Variants in LRRK1 observed in about 807,000 individuals in gnomAD.
LRRK1 encodes the protein leucine rich repeat kinase 1, also known as leucine-rich repeat serine/threonine-protein kinase 1.
Under a neutral mutation model 209.1 loss-of-function variants are expected in LRRK1, and 113 were observed. The observed-to-expected ratio is 0.54, with a 90% confidence interval of 0.46 to 0.63. The LOEUF (loss-of-function observed/expected upper bound fraction) is 0.63, where lower values mean the gene tolerates loss of function less well. LRRK1 is among the 30% of genes least tolerant of loss of function. LRRK1 has a pLI of 0.00. For missense variants in LRRK1, 2,284 were observed against 2,632.2 expected (o/e 0.87, Z 2.89); for synonymous variants, 1,144 against 1,099.7 (o/e 1.04, Z -0.80).
chr15:101,024,699 A>T lies in LRRK1; in HGVS notation c.2068-104A>T. 1 of 1,262,906 alleles carries T rather than the reference A, an allele frequency of 7.9e-7. No individual in the cohort carries two copies. Among genetic ancestry groups the T allele is most frequent in the Non-Finnish European group, 1.1e-6 (1 of 904,462 alleles). The allele number at this position is 1,262,906 out of a possible 1,614,324, so 78.2% of individuals were successfully genotyped here. On this transcript the variant is annotated intron_variant, in intron 15 of 33. Transcript: ENST00000388948. This position sits in a 1 kb window ranked among gnomAD's most constrained non-coding sequence, Gnocchi z 4.6. ...AGAACTTTTCCACGGTTGTTTTTTC[A>T]GACCCCCGAGTCCAGCCTCCAGAGT...
rs1457821862 is a variant in LRRK1, at chr15:101,046,016, G to A, written c.2999G>A (p.Gly1000Asp). 1 of 1,614,148 alleles carries A rather than the reference G, an allele frequency of 6.2e-7. No individual in the cohort carries two copies. The highest frequency in any genetic ancestry group is 8.5e-7 in the Non-Finnish European group (1 of 1,180,022). Residue 1000 changes from glycine (G) to aspartate (D), a missense_variant, in exon 21 of 34, where the codon GGC becomes GAC. Around this residue, in one of 6 missense-constraint regions of LRRK1, gnomAD observed 780 missense variants for 985.2 expected, o/e 0.79. Transcript: ENST00000388948. Reference sequence around the variant, plus strand: ...CCCCATCTCCTTCCATCTAAACCTGGCCTGGACACCCACGGTATGCGGCAC... The same window carrying A: ...CCCCATCTCCTTCCATCTAAACCTGACCTGGACACCCACGGTATGCGGCAC... ...LLPHLLPSKP[G>D]LDTHGMRHPT...
chr15:100,976,092 A>G (rs2141656239), intron 3 of LRRK1, among the ~76,000 whole-genome samples: 1 of 152,338 alleles, frequency 6.6e-6, no homozygotes, highest in East Asian at 1.9e-4. Context: ...GATGAAATGA[A>G]CAAATAAAAA....
chr15:101,072,377 T>A lies in LRRK1; in HGVS notation c.*3529T>A, dbSNP rs974083885. The A allele has an allele frequency of 6.6e-6, 1 of 152,220 alleles. No homozygotes were observed. The highest frequency in any genetic ancestry group is 2.4e-5 in the African/African-American group (1 of 41,432). The allele number at this position is 152,220 out of a possible 1,614,324, so 9.4% of individuals were successfully genotyped here. A position where few individuals can be genotyped will look rare whatever the true frequency, so the allele number is the denominator to read the frequency against. ...CATAAAATTCCTGCACATGCAACAG[T>A]GCCATCCTCTGCAGCCTGTCAAAGA... On this transcript the variant is annotated 3_prime_UTR_variant, in exon 34 of 34. Coordinates refer to ENST00000388948, the MANE Select transcript of LRRK1 (RefSeq NM_024652.6).
intron 2 of LRRK1, among the ~76,000 whole-genome samples, chr15:100,953,096 C>T (rs78495938): frequency 0.011 from 1,701 of 152,270 alleles, 29 homozygotes; most frequent in African/African-American, 0.039. Context: ...ATGAACACAT[C>T]TACCATTTCA....
At chr15:101,010,005 G>T (rs1258831950) in intron 7 of LRRK1, among the ~76,000 whole-genome samples, 3 of 152,196 alleles carry the variant, frequency 2.0e-5, no homozygotes, top group African/African-American at 7.2e-5. Context: ...AAGAGCTTGG[G>T]GTAGGCATTA....
chr15:101,054,382 C>T (rs2035668586), intron 26 of LRRK1, among the ~76,000 whole-genome samples: 1 of 152,182 alleles, frequency 6.6e-6, no homozygotes, highest in African/African-American at 2.4e-5. Context: ...GCCAGCAATT[C>T]CAGGAATAAG....
At chr15:100,972,216 G>A (rs1036433696) in intron 2 of LRRK1, among the ~76,000 whole-genome samples, 1 of 151,972 alleles carries the variant, frequency 6.6e-6, no homozygotes, top group Non-Finnish European at 1.5e-5. Flanking sequence ...GCCTGCCTCG[G>A]ACTCCCAAAG....
chr15:101,014,421 C>G lies in LRRK1; in HGVS notation c.1525C>G (p.Leu509Val). ...LKTLDLSRNQ[L>V]GKNEDGLKTK... Reference sequence around the variant, plus strand: ...AACCCTGGATCTCTCCAGAAACCAACTTGGCAAGTAAGCAGGGGCCTCTCC... The same window carrying G: ...AACCCTGGATCTCTCCAGAAACCAAGTTGGCAAGTAAGCAGGGGCCTCTCC... Residue 509 changes from leucine (L) to valine (V), a missense_variant, in exon 11 of 34, where the codon CTT (leucine) becomes GTT (valine). Transcript: ENST00000388948. 1 of 1,611,916 alleles carries G rather than the reference C, an allele frequency of 6.2e-7. No individual in the cohort carries two copies. The highest frequency in any genetic ancestry group is 8.5e-7 in the Non-Finnish European group (1 of 1,178,026).
rs745630986 is a variant in LRRK1, at chr15:101,022,541, GCCA to G, written c.2015_2017del (p.Thr672del). 77 of 1,613,866 alleles carry G rather than the reference GCCA, an allele frequency of 4.8e-5. No individual in the cohort carries two copies. The African/African-American group carries it at 8.8e-4, about 18-fold the overall frequency. ...GGCCCCCCAGGTGGTGCATGGAGAG[GCCA>G]CCATCAGGACCACCAAGTGGGAGCT... On this transcript the variant is annotated inframe_deletion, in exon 15 of 34. Coordinates refer to ENST00000388948, the MANE Select transcript of LRRK1 (RefSeq NM_024652.6). The surrounding 1 kb of genome is among the most constrained non-coding windows in gnomAD (Gnocchi z 4.0).
At chr15:101,018,106 TTTGCAACACAAATTG>T (rs942556989) in intron 12 of LRRK1, among the ~76,000 whole-genome samples, 9 of 150,334 alleles carry the variant, frequency 6.0e-5, no homozygotes, top group Non-Finnish European at 1.3e-4. Context: ...AGAAGAAATA[TTTGCAACACAAATTG>T]TTGCAACACA....
intron 20 of LRRK1, among the ~76,000 whole-genome samples, chr15:101,034,215 C>G (rs1345777548): frequency 4.6e-5 from 7 of 152,156 alleles, no homozygotes; most frequent in African/African-American, 1.7e-4. Flanking sequence ...GGTCTCTTCA[C>G]TCTGCTAATT....
Position 100,924,585 on chromosome 15 carries a change from G to A in LRRK1, c.-48G>A, listed in dbSNP as rs1567181139. On this transcript the variant is annotated 5_prime_UTR_variant, in exon 2 of 34. In the 5' UTR this introduces an upstream ATG that the reference lacks. Transcript: ENST00000388948. Reference sequence around the variant, plus strand: ...CACCCCACAGCCAGCGGCAGTGGCAGTGACAACAGCGGGACCTGCCTTTGA... The same window carrying A: ...CACCCCACAGCCAGCGGCAGTGGCAATGACAACAGCGGGACCTGCCTTTGA... 6.4e-7 allele frequency: 1 copy of A among 1,566,382 alleles called. No individual in the cohort carries two copies. The highest frequency in any genetic ancestry group is 8.8e-7 in the Non-Finnish European group (1 of 1,137,522).
At chr15:101,008,360 C>T (rs1270919027) in intron 6 of LRRK1, among the ~76,000 whole-genome samples, 1 of 152,126 alleles carries the variant, frequency 6.6e-6, no homozygotes, top group African/African-American at 2.4e-5. Flanking sequence ...CACCCTGGCG[C>T]GGTGCGGGCA....
intron 2 of LRRK1, among the ~76,000 whole-genome samples, chr15:100,927,338 G>T (rs1330306459): frequency 6.6e-6 from 1 of 152,174 alleles, no homozygotes; most frequent in Non-Finnish European, 1.5e-5. Context: ...CAGCCCCCAT[G>T]ATTCTCCCTA....
rs184144714 is a variant in LRRK1 at position 101,047,464 on chromosome 15, G to T, written c.3136-1030G>T. Among the ~76,000 whole-genome samples the T allele has an allele frequency of 3.3e-3, 508 of 152,372 alleles. 2 individuals carry two copies. The highest frequency in any genetic ancestry group is 5.9e-3 in the Admixed American group (91 of 15,312). On this transcript the variant is annotated intron_variant, in intron 21 of 33. Transcript: ENST00000388948. ...TGGAGCACTAGCATCGTGGGAGGCTGAGCTGACAAGTGGGGCCCAGCTGGG... is the reference window on the plus strand; with the variant it reads ...TGGAGCACTAGCATCGTGGGAGGCTTAGCTGACAAGTGGGGCCCAGCTGGG...
At chr15:101,014,282 T>C in intron 10 of LRRK1, 34 bp from the exon 11 acceptor site, 1 of 1,464,896 alleles carries the variant, frequency 6.8e-7, no homozygotes, top group East Asian at 2.3e-5. Context: ...TCTGATGCTA[T>C]CTTAGCTTCT....
chr15:100,971,696 C>G (rs1307356125), intron 2 of LRRK1, among the ~76,000 whole-genome samples: 2 of 152,140 alleles, frequency 1.3e-5, no homozygotes, highest in South Asian at 2.1e-4. Flanking sequence ...TATAGTCACC[C>G]TACTCTGCTA....
intron 6 of LRRK1, among the ~76,000 whole-genome samples, chr15:100,997,908 G>A (rs562064939): frequency 8.5e-5 from 13 of 152,302 alleles, no homozygotes; most frequent in Non-Finnish European, 1.3e-4. Context: ...TGCTGGGTGC[G>A]GTGGCTCACG....
intron 31 of LRRK1, chr15:101,064,269 C>T (rs1262211780): frequency 6.5e-6 from 1 of 152,828 alleles, no homozygotes; most frequent in Non-Finnish European, 1.5e-5. Flanking sequence ...GGTCTCCACT[C>T]CATTGCCCTG....
Sources: gnomAD v4.1 joint callset for allele counts (sites outside exome capture counted in the v4.1 genomes callset) on GRCh38, gnomAD v4.1.1 for gene constraint, gnomAD v4.1.1 regional missense constraint, Gnocchi (gnomAD v3.1) non-coding constraint, MANE v1.5 for transcripts, NCBI Gene and HGNC (gene_info 2026-07-23, HGNC 2026-07-21) for gene names.